Variants in TASOR2 observed in about 807,000 individuals in gnomAD.
TASOR2 encodes transcription activation suppressor family member 2, also known as protein TASOR 2.
Under a neutral mutation model 199.5 loss-of-function variants are expected in TASOR2, and 84 were observed. The observed-to-expected ratio is 0.42, with a 90% confidence interval of 0.35 to 0.50. The LOEUF (loss-of-function observed/expected upper bound fraction) is 0.50. TASOR2 is among the 20% of genes least tolerant of loss of function. The pLI is 0.02. For missense variants in TASOR2, 2,796 were observed against 2,835.9 expected, an observed-to-expected ratio of 0.99 and a Z score of 0.32; for synonymous variants, 1,103 against 1,046.6, an observed-to-expected ratio of 1.05 and a Z score of -1.04.
chr10:5,731,499 G>A (rs1391880864), intron 11 of TASOR2, among the ~76,000 whole-genome samples: 2 of 152,204 alleles, frequency 1.3e-5, no homozygotes, highest in Non-Finnish European at 2.9e-5. Flanking sequence ...TTGCGCTCCC[G>A]CCTGGGTGAC....
In TASOR2 at chr10:5,699,753, C is replaced by T; in HGVS notation, c.-287-13070C>T. ...AAATTTTATGGTAAGTATATTTTAC[C>T]ACAATTTTGATAATGCAAAGAAAGA... is the stretch of plus-strand genomic sequence containing the variant. On this transcript the variant is annotated intron_variant, in intron 1 of 20. Transcript: ENST00000328090. This position sits in a 1 kb window ranked among gnomAD's most constrained non-coding sequence, Gnocchi z 4.1. 1.1e-6 allele frequency: 1 copy of T among 880,088 alleles called. No individual in the cohort carries two copies. Among genetic ancestry groups the T allele is most frequent in the Non-Finnish European group, 1.4e-6 (1 of 734,142 alleles). The allele number at this position is 880,088 out of a possible 1,614,324, so 54.5% of individuals were successfully genotyped here. A position where few individuals can be genotyped will look rare whatever the true frequency, so the allele number is the denominator to read the frequency against.
intron 2 of TASOR2, among the ~76,000 whole-genome samples, chr10:5,716,025 T>C (rs1235342420): frequency 6.6e-6 from 1 of 152,204 alleles, no homozygotes; most frequent in African/African-American, 2.4e-5. Context: ...GGCTGTATGG[T>C]GTAGCCTATT....
chr10:5,708,883 A>G (rs1351581926), intron 1 of TASOR2, among the ~76,000 whole-genome samples: 2 of 151,668 alleles, frequency 1.3e-5, no homozygotes, highest in Non-Finnish European at 2.9e-5. Context: ...TGTATTTTTT[A>G]TAGAGGTGGG....
chr10:5,728,474 A>G (rs1834352553), intron 10 of TASOR2, among the ~76,000 whole-genome samples: 1 of 152,004 alleles, frequency 6.6e-6, no homozygotes, highest in Admixed American at 6.6e-5. Context: ...CGTCTCTACT[A>G]AAATACAAAA....
At position 5,722,977 on chromosome 10, in the gene TASOR2, C is replaced by T. The variant is rs1833565232; in HGVS notation, c.147-700C>T. 1.3e-5 allele frequency among the ~76,000 whole-genome samples: 2 copies of T among 150,150 alleles called. No individual in the cohort carries two copies. Among genetic ancestry groups the T allele is most frequent in the African/African-American group, 2.5e-5 (1 of 40,768 alleles). On this transcript the variant is annotated intron_variant, in intron 6 of 20. Transcript: ENST00000328090. The surrounding 1 kb of genome is among the most constrained non-coding windows in gnomAD (Gnocchi z 4.0). ...GAGCTGAGATCGCACCACTGCACTCCAGCCTGGGTGACAGAGCCAGACTCC... is the reference window on the plus strand; with the variant it reads ...GAGCTGAGATCGCACCACTGCACTCTAGCCTGGGTGACAGAGCCAGACTCC...
At chr10:5,759,053 A>G (rs1209770938) in intron 18 of TASOR2, 61 bp downstream of exon 19, 2 of 1,183,912 alleles carry the variant, frequency 1.7e-6, no homozygotes, top group Non-Finnish European at 2.5e-6. Flanking sequence ...GAAACGCCTC[A>G]TGTTCCATGG....
rs1353875657 is a variant in TASOR2 at position 5,751,518 on chromosome 10, A to C, written c.6606+1491A>C. Among the ~76,000 whole-genome samples, 1 of 152,256 alleles carries C rather than the reference A, an allele frequency of 6.6e-6. No individual in the cohort carries two copies. Among genetic ancestry groups the C allele is most frequent in the Non-Finnish European group, 1.5e-5 (1 of 68,040 alleles). ...ATTATTTTAATACTTAGATTGTCCC[A>C]GACCCAGCCAGTGGGAGTCCCTTTA... On this transcript the variant is annotated intron_variant, in intron 15 of 20. Transcript: ENST00000328090. The surrounding 1 kb of genome is among the most constrained non-coding windows in gnomAD (Gnocchi z 5.3).
intron 1 of TASOR2, chr10:5,712,368 G>A: frequency 8.1e-7 from 1 of 1,230,368 alleles, no homozygotes; most frequent in Non-Finnish European, 1.0e-6. Context: ...TTAAATAGCT[G>A]CGTTATTTTT....
At chr10:5,739,153 G>C (rs1836020552) in intron 12 of TASOR2, among the ~76,000 whole-genome samples, 1 of 152,192 alleles carries the variant, frequency 6.6e-6, no homozygotes, top group East Asian at 1.9e-4. Context: ...TCCTGAGAAA[G>C]TATGTTAGCA....
intron 1 of TASOR2, among the ~76,000 whole-genome samples, chr10:5,695,004 TAA>T (rs1420324296): frequency 6.6e-6 from 1 of 152,250 alleles, no homozygotes; most frequent in African/African-American, 2.4e-5. Flanking sequence ...TCAATATTCA[TAA>T]GAGATCAGTC....
At chr10:5,749,077 G>T (rs1373067608) in exon 15 of TASOR2, 3 of 1,613,976 alleles carry the variant, frequency 1.9e-6, no homozygotes, top group South Asian at 1.1e-5. Flanking sequence ...CTCTAGCTGG[G>T]TTCCAGGCAT....
chr10:5,731,008 T>A (rs749497577), exon 11 of TASOR2: 12 of 1,613,950 alleles, frequency 7.4e-6, no homozygotes, highest in Non-Finnish European at 1.0e-5. Flanking sequence ...GAAGAGAGTT[T>A]TTCCATTGAG....
rs1837813192 is a variant in TASOR2, at chr10:5,701,302, C to T, written c.-287-11521C>T. ...GATGAGTTGGCTCTATATGGATTTA[C>T]ACCTGGGTTCCCTGTTCTGTTCCTT... On this transcript the variant is annotated intron_variant, in intron 1 of 20. Transcript: ENST00000328090. This position sits in a 1 kb window ranked among gnomAD's most constrained non-coding sequence, Gnocchi z 4.9. Among the ~76,000 whole-genome samples the T allele has an allele frequency of 6.6e-6, 1 of 152,096 alleles. No homozygotes were observed. Among genetic ancestry groups the T allele is most frequent in the Non-Finnish European group, 1.5e-5 (1 of 67,986 alleles).
chr10:5,703,702 A>G (rs1186662513), intron 1 of TASOR2, among the ~76,000 whole-genome samples: 4 of 150,632 alleles, frequency 2.7e-5, no homozygotes, highest in East Asian at 3.9e-4. Flanking sequence ...ACGGGGTTTC[A>G]CTGTGTTAGC....
At chr10:5,757,156 G>A (rs1383076851) in intron 16 of TASOR2, among the ~76,000 whole-genome samples, 1 of 152,242 alleles carries the variant, frequency 6.6e-6, no homozygotes, top group Non-Finnish European at 1.5e-5. Context: ...GCCGTCATCA[G>A]CAGGCAGTCG....
rs891432454 is a variant in TASOR2, at chr10:5,698,138, A to G, written c.-288+12963A>G. Among the ~76,000 whole-genome samples the G allele has an allele frequency of 5.3e-5, 8 of 152,324 alleles. No individual in the cohort carries two copies. Among genetic ancestry groups the G allele is most frequent in the Admixed American group, 3.9e-4 (6 of 15,298 alleles). On this transcript the variant is annotated intron_variant, in intron 1 of 20. Transcript: ENST00000328090. This position sits in a 1 kb window ranked among gnomAD's most constrained non-coding sequence, Gnocchi z 4.4. ...CTACTCCTTGACTTTGTGTTTGGCT[A>G]TGTGACTTGCTAAGGTAAAAGTGAT...
In TASOR2 at chr10:5,719,981, G is replaced by T. The variant is rs1833153269; in HGVS notation, c.-99-563G>T. Among the ~76,000 whole-genome samples, 1 of 152,120 alleles carries T rather than the reference G, an allele frequency of 6.6e-6. No homozygotes were observed. The highest frequency in any genetic ancestry group is 1.5e-5 in the Non-Finnish European group (1 of 68,024). On this transcript the variant is annotated intron_variant, in intron 3 of 20. Transcript: ENST00000328090. This position sits in a 1 kb window ranked among gnomAD's most constrained non-coding sequence, Gnocchi z 4.1. Reference sequence around the variant, plus strand: ...AGGAAATGGCTCTCTTAAATTTAGGGTGATTCGTATATTTCTTTGATATTG... The same window carrying T: ...AGGAAATGGCTCTCTTAAATTTAGGTTGATTCGTATATTTCTTTGATATTG...
intron 1 of TASOR2, among the ~76,000 whole-genome samples, chr10:5,705,594 T>C (rs971274907): frequency 3.3e-5 from 5 of 152,242 alleles, no homozygotes; most frequent in African/African-American, 1.2e-4. Flanking sequence ...TGGCTTTATA[T>C]TTCTACTAGG....
chr10:5,709,855 A>G (rs544526621), intron 1 of TASOR2, among the ~76,000 whole-genome samples: 3 of 152,218 alleles, frequency 2.0e-5, no homozygotes, highest in Non-Finnish European at 2.9e-5. Flanking sequence ...ATTGCAACAT[A>G]AAACACGTAT....
Sources: allele counts gnomAD v4.1 joint callset (sites outside exome capture counted in the v4.1 genomes callset), GRCh38; gene constraint gnomAD v4.1.1; non-coding constraint Gnocchi (gnomAD v3.1); transcripts MANE v1.5; gene names NCBI Gene and HGNC (gene_info 2026-07-23, HGNC 2026-07-21).